ELMO1: variants seen among roughly 807,000 people sequenced by gnomAD.
The protein encoded by ELMO1 is engulfment and cell motility protein 1.
ELMO1 carries 26 observed loss-of-function variants against 98.9 expected under a neutral mutation model. The observed-to-expected ratio is 0.26, with a 90% CI of 0.19 to 0.36. The LOEUF is 0.36. ELMO1 is among the 10% of genes least tolerant of loss of function. The pLI is 1.00. For missense variants in ELMO1, 627 were observed against 935.2 expected (o/e 0.67, Z 4.30); for synonymous variants, 346 against 346.0 (o/e 1.00, Z 0.00).
intron 16 of ELMO1, chr7:36,919,310 C>A (rs374623193): frequency 2.0e-6 from 1 of 507,478 alleles, no homozygotes; most frequent in Non-Finnish European, 4.2e-6. Context: ...TGAGTCTCAG[C>A]CTTTTCTAAC....
At chr7:37,182,190 G>A (rs1790908554) in intron 13 of ELMO1, among the ~76,000 whole-genome samples, 1 of 152,178 alleles carries the variant, frequency 6.6e-6, no homozygotes. Context: ...GTGACGACAT[G>A]AGGTAATCAG....
At chr7:37,368,534 C>A (rs1331411462) in intron 1 of ELMO1, among the ~76,000 whole-genome samples, 2 of 152,112 alleles carry the variant, frequency 1.3e-5, no homozygotes, top group Admixed American at 1.3e-4. Context: ...ATCTTCTTTC[C>A]CAAAGAACCG....
intron 15 of ELMO1, among the ~76,000 whole-genome samples, chr7:37,057,531 G>A (rs1326502138): frequency 6.6e-6 from 1 of 152,216 alleles, no homozygotes; most frequent in East Asian, 1.9e-4. Flanking sequence ...GCTTTCATGA[G>A]CTTTGTTCTT....
intron 16 of ELMO1, among the ~76,000 whole-genome samples, chr7:36,960,690 C>A (rs1788868518): frequency 6.6e-6 from 1 of 151,604 alleles, no homozygotes; most frequent in South Asian, 2.1e-4. Flanking sequence ...TCTATCTATA[C>A]TGTTAATACT....
intron 20 of ELMO1, 62 bp from the exon 21 acceptor site, chr7:36,861,798 C>CA (rs1296335754): frequency 1.7e-5 from 26 of 1,493,264 alleles, no homozygotes; most frequent in Non-Finnish European, 2.3e-5. Context: ...TTTGCAGTTG[C>CA]AAATGGCTGC....
intron 16 of ELMO1, among the ~76,000 whole-genome samples, chr7:36,896,414 A>C (rs1279113642): frequency 2.6e-5 from 4 of 152,234 alleles, no homozygotes; most frequent in African/African-American, 9.6e-5. Context: ...GGACATGGCC[A>C]AGGATCATTA....
At chr7:37,371,348 G>A in intron 1 of ELMO1, among the ~76,000 whole-genome samples, 1 of 152,174 alleles carries the variant, frequency 6.6e-6, no homozygotes, top group Non-Finnish European at 1.5e-5. Context: ...TGCATGATGG[G>A]TACATGGATC....
At chr7:37,163,165 T>A (rs1030580256) in intron 13 of ELMO1, among the ~76,000 whole-genome samples, 2 of 152,202 alleles carry the variant, frequency 1.3e-5, no homozygotes, top group Non-Finnish European at 2.9e-5. Flanking sequence ...TTGCTTTTCC[T>A]CTTTTCAATT....
intron 2 of ELMO1, among the ~76,000 whole-genome samples, chr7:37,340,091 G>A (rs922336299): frequency 6.6e-6 from 1 of 152,128 alleles, no homozygotes; most frequent in Non-Finnish European, 1.5e-5. Flanking sequence ...ACATGATCCT[G>A]GACAGGATAT....
chr7:37,272,393 C>T (rs916087263), intron 4 of ELMO1, among the ~76,000 whole-genome samples: 6 of 152,166 alleles, frequency 3.9e-5, no homozygotes, highest in South Asian at 2.1e-4. Context: ...AAGGGCCAGG[C>T]GTGGTGGCTC....
intron 18 of ELMO1, among the ~76,000 whole-genome samples, chr7:36,885,732 C>T (rs1044793903): frequency 6.6e-6 from 1 of 152,168 alleles, no homozygotes; most frequent in Non-Finnish European, 1.5e-5. Flanking sequence ...CAGATGAGAA[C>T]TTGGGGCCTT....
chr7:37,338,960 C>T (rs940165735), intron 2 of ELMO1, among the ~76,000 whole-genome samples: 9 of 152,198 alleles, frequency 5.9e-5, no homozygotes, highest in African/African-American at 1.2e-4. Context: ...CATGGGCAGA[C>T]GTCCCTCTGA....
intron 2 of ELMO1, among the ~76,000 whole-genome samples, chr7:37,318,371 G>C (rs750546604): frequency 2.2e-4 from 34 of 152,140 alleles, no homozygotes; most frequent in Non-Finnish European, 3.1e-4. Flanking sequence ...AACGGAGCCA[G>C]GTTTTAGTCT....
chr7:37,093,145 T>C (rs928735510), intron 15 of ELMO1, among the ~76,000 whole-genome samples: 6 of 151,942 alleles, frequency 3.9e-5, no homozygotes, highest in South Asian at 4.1e-4. Context: ...CTTCTTGCAA[T>C]GTCAATAATT....
At position 36,884,314 on chromosome 7, in the gene ELMO1, C is replaced by CAAA. The variant is rs59762953; in HGVS notation, c.1714+3243_1714+3245dup. ...CCTGGGTGACAGAGCGAGACTGTCTCAAAAAAAAAAAAAAAATCTATATTC... is the reference window on the plus strand; with the variant it reads ...CCTGGGTGACAGAGCGAGACTGTCTCAAAAAAAAAAAAAAAAAAATCTATATTC... On this transcript the variant is annotated intron_variant, in intron 18 of 21. Transcript: ENST00000310758. 2.7e-3 allele frequency among the ~76,000 whole-genome samples: 341 copies of CAAA among 127,730 alleles called. 3 individuals carry two copies. Among genetic ancestry groups the CAAA allele is most frequent in the African/African-American group, 6.0e-3 (215 of 35,982 alleles). The allele number at this position is 127,730 out of a possible 152,430, so 83.8% of individuals were successfully genotyped here. A position where few individuals can be genotyped will look rare whatever the true frequency, so the allele number is the denominator to read the frequency against.
At chr7:36,962,311 G>A (rs943791018) in intron 16 of ELMO1, among the ~76,000 whole-genome samples, 4 of 152,210 alleles carry the variant, frequency 2.6e-5, no homozygotes, top group African/African-American at 9.7e-5. Flanking sequence ...ATGTCCAGCT[G>A]AGGAGTTTGA....
chr7:37,339,444 G>A (rs1800600117), intron 2 of ELMO1, among the ~76,000 whole-genome samples: 1 of 152,212 alleles, frequency 6.6e-6, no homozygotes, highest in Admixed American at 6.5e-5. Context: ...TTTGGAAACG[G>A]CTTTTAGTGA....
chr7:37,375,553 T>C lies in ELMO1; in HGVS notation c.-73-32790A>G, dbSNP rs867624122. 2.9e-5 allele frequency: 31 copies of C among 1,064,940 alleles called. No homozygotes were observed. In the South Asian group the frequency reaches 3.9e-4, roughly 13 times the overall value. The allele number at this position is 1,064,940 out of a possible 1,614,324, so 66.0% of individuals were successfully genotyped here. The stretch of plus-strand genomic sequence containing the variant: ...ATGCCTAAGAAGAACCAGATTGCCA[T>C]TTATAAACTCCTTTTTAAGGAGGGA... On this transcript the variant is annotated intron_variant, in intron 1 of 21. Coordinates refer to ENST00000310758, the MANE Select transcript of ELMO1 (RefSeq NM_014800.11).
chr7:37,057,133 C>T (rs372709787), intron 15 of ELMO1, among the ~76,000 whole-genome samples: 15 of 152,152 alleles, frequency 9.9e-5, no homozygotes, highest in African/African-American at 3.6e-4. Flanking sequence ...GAAATAAATT[C>T]TAATCATTTT....
Sources: allele counts gnomAD v4.1 joint callset (sites outside exome capture counted in the v4.1 genomes callset), GRCh38; gene constraint gnomAD v4.1.1; transcripts MANE v1.5; gene names NCBI Gene and HGNC (gene_info 2026-07-23, HGNC 2026-07-21).